Variants in MTSS2 observed in about 807,000 individuals in gnomAD.
The protein encoded by MTSS2 is protein MTSS 2.
MTSS2 carries 27 observed loss-of-function variants against 67.1 expected under a neutral mutation model. That is an observed-to-expected ratio of 0.40 (90% confidence interval 0.30 to 0.55). The LOEUF is 0.55. MTSS2 is among the 20% of genes least tolerant of loss of function. The pLI is 0.43. For synonymous variants in MTSS2, 624 were observed against 468.6 expected (o/e 1.33, Z -4.28); for missense variants, 1,171 against 1,067.8 (o/e 1.10, Z -1.35).
At chr16:70,684,312 G>A (rs2053389204) in intron 1 of MTSS2, among the ~76,000 whole-genome samples, 1 of 151,984 alleles carries the variant, frequency 6.6e-6, no homozygotes, top group Non-Finnish European at 1.5e-5. Context: ...GGGGCCAGCG[G>A]AGGGGCCCAG....
chr16:70,664,294 G>A lies in MTSS2; in HGVS notation c.1627C>T (p.Pro543Ser). The part of the protein sequence containing the change: ...TKRPASTAGL[P>S]TAGLPTATGL... ...GTGGCCGTGGGCAGCCCCGCGGTGG[G>A]CAGCCCAGCAGTGGAGGCTGGGCGC... Residue 543 changes from proline to serine, a missense_variant, in exon 15 of 15, where the codon CCC (proline) becomes TCC (serine). Pro to Ser is a moderately conservative substitution (Grantham distance 74). Around this residue, in one of 2 missense-constraint regions of MTSS2, gnomAD observed 924 missense variants for 756.0 expected, o/e 1.22. Coordinates refer to ENST00000338779, the MANE Select transcript of MTSS2 (RefSeq NM_138383.3). 1 of 1,567,868 alleles carries A rather than the reference G, an allele frequency of 6.4e-7. No homozygotes were observed. Among genetic ancestry groups the A allele is most frequent in the Non-Finnish European group, 8.6e-7 (1 of 1,163,360 alleles).
rs1413222972 is a variant in MTSS2 at position 70,661,513 on chromosome 16, C to A, written c.*2164G>T. Reference sequence around the variant, plus strand: ...AAAGACGCTTTTGAAAAGAATATTTCTCCGTACAAAATGAGAAATTAAACG... The same window carrying A: ...AAAGACGCTTTTGAAAAGAATATTTATCCGTACAAAATGAGAAATTAAACG... On this transcript the variant is annotated 3_prime_UTR_variant, in exon 15 of 15. Transcript: ENST00000338779. The A allele has an allele frequency of 1.7e-5, 6 of 348,910 alleles. No homozygotes were observed. The highest frequency in any genetic ancestry group is 8.6e-5 in the African/African-American group (4 of 46,342). 21.6% of individuals were successfully genotyped at this position (348,910 alleles called of 1,614,324 possible). A position where few individuals can be genotyped will look rare whatever the true frequency, so the allele number is the denominator to read the frequency against.
In MTSS2 at chr16:70,667,035, G is replaced by A. The variant is rs142269699; in HGVS notation, c.1054-1495C>T. On this transcript the variant is annotated intron_variant, in intron 11 of 14. Coordinates refer to ENST00000338779, the MANE Select transcript of MTSS2 (RefSeq NM_138383.3). ...TCACACCTGTAATCCCAGCACTTTG[G>A]GAGGCTGATGCATAAGGATCACTTG... is the stretch of plus-strand genomic sequence containing the variant. Among the ~76,000 whole-genome samples the A allele has an allele frequency of 2.8e-3, 432 of 152,228 alleles. 3 individuals carry two copies. The highest frequency in any genetic ancestry group is 4.0e-3 in the Non-Finnish European group (274 of 67,998).
intron 1 of MTSS2, 117 bp downstream of exon 1, chr16:70,685,606 A>C: frequency 1.9e-6 from 1 of 526,422 alleles, no homozygotes; most frequent in Non-Finnish European, 2.5e-6. Flanking sequence ...GCGCTCAGAC[A>C]AGGACACACA....
rs1241183220 is a variant in MTSS2, at chr16:70,663,590, G to T, written c.*87C>A. The stretch of plus-strand genomic sequence containing the variant: ...TGCCCTGGCTCTGTCCTCTCTCCTG[G>T]CTGGGCCTTTGCTCTGAGTGCCTGC... On this transcript the variant is annotated 3_prime_UTR_variant, in exon 15 of 15. Transcript: ENST00000338779. The T allele has an allele frequency of 2.1e-6, 3 of 1,455,218 alleles. No individual in the cohort carries two copies. Among genetic ancestry groups the T allele is most frequent in the Non-Finnish European group, 2.7e-6 (3 of 1,102,826 alleles). 90.1% of individuals were successfully genotyped at this position (1,455,218 alleles called of 1,614,324 possible). A position where few individuals can be genotyped will look rare whatever the true frequency, so the allele number is the denominator to read the frequency against.
Position 70,674,524 on chromosome 16 carries a change from G to T in MTSS2, c.835C>A (p.Pro279Thr). Residue 279 changes from proline (P) to threonine (T), a missense_variant, in exon 11 of 15, where the codon CCC becomes ACC. This residue lies in a region of MTSS2 where 924 missense variants were observed against 756.0 expected (regional missense o/e 1.22). Coordinates refer to ENST00000338779, the MANE Select transcript of MTSS2 (RefSeq NM_138383.3). ...SSRKSSMCSA[P>T]SSSSSAKGGG... ...CCCTTGGCACTGCTACTGCTGCTGG[G>T]GGCACTAGGGGAGTGAAGGAAGAGG... 2 of 1,612,634 alleles carry T rather than the reference G, an allele frequency of 1.2e-6. No individual in the cohort carries two copies. The highest frequency in any genetic ancestry group is 1.7e-6 in the Non-Finnish European group (2 of 1,179,828).
rs769747603 is a variant in MTSS2, at chr16:70,680,054, C to G, written c.207G>C (p.Gly69=). ...GCGCCGAGCCGATGTCCCTCGTGGC[C>G]CCTGGCGAGGCAAGCGCGGGGTGGG... ...KVADMATNTR[G]ATRDIGSALT... Residue 69 remains glycine (G), a splice_region_variant and synonymous_variant, in exon 4 of 15, where the codon GGG becomes GGC. Transcript: ENST00000338779. 1 of 1,520,284 alleles carries G rather than the reference C, an allele frequency of 6.6e-7. No individual in the cohort carries two copies. Among genetic ancestry groups the G allele is most frequent in the South Asian group, 1.2e-5 (1 of 83,354 alleles). 94.2% of individuals were successfully genotyped at this position (1,520,284 alleles called of 1,614,324 possible).
chr16:70,686,044 C>T lies in MTSS2; in HGVS notation c.-253G>A, dbSNP rs1269690616. ...CGGGCAGCTCGCGGCGCAGCCTCGG[C>T]GCGGGGACTGACGGCGGCGGTAATC... On this transcript the variant is annotated 5_prime_UTR_variant, in exon 1 of 15. Transcript: ENST00000338779. 1.3e-5 allele frequency: 2 copies of T among 148,528 alleles called. No individual in the cohort carries two copies. Among genetic ancestry groups the T allele is most frequent in the South Asian group, 1.8e-4 (1 of 5,534 alleles). 9.2% of individuals were successfully genotyped at this position (148,528 alleles called of 1,614,324 possible). A position where few individuals can be genotyped will look rare whatever the true frequency, so the allele number is the denominator to read the frequency against.
chr16:70,684,375 G>A (rs2053391560), intron 1 of MTSS2, among the ~76,000 whole-genome samples: 1 of 152,122 alleles, frequency 6.6e-6, no homozygotes, highest in South Asian at 2.1e-4. Flanking sequence ...ATGAGGGGCA[G>A]GGGGTGGGGG....
rs922573849 is a variant in MTSS2, at chr16:70,663,610, G to A, written c.*67C>T. Reference sequence around the variant, plus strand: ...TCCTGGCTGGGCCTTTGCTCTGAGTGCCTGCGGCTCACAGACCAGGCCACC... The same window carrying A: ...TCCTGGCTGGGCCTTTGCTCTGAGTACCTGCGGCTCACAGACCAGGCCACC... On this transcript the variant is annotated 3_prime_UTR_variant, in exon 15 of 15. Coordinates refer to ENST00000338779, the MANE Select transcript of MTSS2 (RefSeq NM_138383.3). 4.1e-6 allele frequency: 6 copies of A among 1,472,950 alleles called. No homozygotes were observed. The Admixed American group carries it at 1.5e-4, about 37-fold the overall frequency. 91.2% of individuals were successfully genotyped at this position (1,472,950 alleles called of 1,614,324 possible).
chr16:70,680,274 C>G (rs985120205), intron 3 of MTSS2, among the ~76,000 whole-genome samples: 1 of 152,104 alleles, frequency 6.6e-6, no homozygotes, highest in Non-Finnish European at 1.5e-5. Context: ...CTGCGGCGGC[C>G]TCCCCTCTCT....
At chr16:70,679,933 T>TCCCCCCCCCCCCCAGCCCCCC in intron 4 of MTSS2, 38 bp downstream of exon 4, 7 of 1,149,428 alleles carry the variant, frequency 6.1e-6, no homozygotes, top group Non-Finnish European at 8.7e-6. Context: ...CGACGCCCCG[T>TCCCCCCCCCCCCCAGCCCCCC]CCCCCCGCCC....
chr16:70,684,018 C>T (rs2053381379), intron 1 of MTSS2, among the ~76,000 whole-genome samples: 1 of 152,260 alleles, frequency 6.6e-6, no homozygotes, highest in Non-Finnish European at 1.5e-5. Context: ...GCTTGAACCT[C>T]TTGCTATGAT....
At position 70,679,122 on chromosome 16, in the gene MTSS2, C is replaced by A. The variant is rs529320598; in HGVS notation, c.466+193G>T. ...CTGGCAGACTGACCCAGCAGTGGCC[C>A]GGGACTCATCCCTGGCCAGGGACCC... On this transcript the variant is annotated intron_variant, in intron 7 of 14. Coordinates refer to ENST00000338779, the MANE Select transcript of MTSS2 (RefSeq NM_138383.3). Among the ~76,000 whole-genome samples, 6 of 152,218 alleles carry A rather than the reference C, an allele frequency of 3.9e-5. No individual in the cohort carries two copies. The East Asian group carries it at 1.2e-3, about 30-fold the overall frequency.
chr16:70,678,061 G>C (rs568393975), intron 8 of MTSS2, among the ~76,000 whole-genome samples, 162 bp from the exon 9 acceptor site: 3 of 152,384 alleles, frequency 2.0e-5, no homozygotes, highest in South Asian at 4.1e-4. Context: ...ACACAGCCCA[G>C]AGGGCTGGCA....
intron 3 of MTSS2, 106 bp from the exon 4 acceptor site, chr16:70,680,161 G>A: frequency 1.5e-6 from 1 of 661,748 alleles, no homozygotes; most frequent in Non-Finnish European, 2.0e-6. Context: ...CCCGCAGCCC[G>A]CGCCCTGCCC....
At chr16:70,683,649 C>T (rs554284140) in intron 1 of MTSS2, among the ~76,000 whole-genome samples, 1 of 152,350 alleles carries the variant, frequency 6.6e-6, no homozygotes, top group Admixed American at 6.5e-5. Flanking sequence ...GACCTTGGCC[C>T]CCGCTCAGCC....
At chr16:70,679,522 G>A in intron 6 of MTSS2, 108 bp downstream of exon 6, 1 of 1,330,316 alleles carries the variant, frequency 7.5e-7, no homozygotes, top group South Asian at 1.4e-5. Flanking sequence ...CCTGTGTCGG[G>A]GACAGCGCCC....
At position 70,664,996 on chromosome 16, in the gene MTSS2, G is replaced by T. The variant is rs746132522; in HGVS notation, c.1229C>A (p.Ala410Asp). The change falls in exon 13 of 15, where the codon GCC (alanine) becomes GAC (aspartate). Residue 410 changes from alanine to aspartate, a missense_variant. Ala to Asp is a moderately radical substitution (Grantham distance 126). Around this residue, in one of 2 missense-constraint regions of MTSS2, gnomAD observed 924 missense variants for 756.0 expected, o/e 1.22. Transcript: ENST00000338779. ...ELLRDTEPGP[A>D]SGGTLGPSGE... ...GCTGGGGCCCAGGGTGCCCCCACTG[G>T]CAGGGCCTGGCTCTGTGTCTCGCAG... The T allele has an allele frequency of 6.3e-7, 1 of 1,591,224 alleles. No homozygotes were observed.
Sources: allele counts gnomAD v4.1 joint callset (sites outside exome capture counted in the v4.1 genomes callset), GRCh38; gene constraint gnomAD v4.1.1; regional missense constraint gnomAD v4.1.1; transcripts MANE v1.5; gene names NCBI Gene and HGNC (gene_info 2026-07-23, HGNC 2026-07-21).